Variants in MAPK8 observed in about 807,000 individuals in gnomAD.
The protein encoded by MAPK8 is JUN N-terminal kinase.
MAPK8 carries 13 observed loss-of-function variants against 52.9 expected under a neutral mutation model. The ratio of observed to expected loss-of-function variants is 0.25; its 90% CI spans 0.16 to 0.39. MAPK8 has a LOEUF of 0.39. Among genes scored for constraint, MAPK8 ranks in the 10% least tolerant of loss-of-function variants. The pLI is 1.00. For synonymous variants in MAPK8, 191 were observed against 169.8 expected, an observed-to-expected ratio of 1.12 and a Z score of -0.97; for missense variants, 300 against 519.2, an observed-to-expected ratio of 0.58 and a Z score of 4.10.
chr10:48,315,313 T>C (rs1037097310), intron 1 of MAPK8, among the ~76,000 whole-genome samples: 2 of 152,228 alleles, frequency 1.3e-5, no homozygotes, highest in African/African-American at 4.8e-5. Context: ...AGTTTGCCTT[T>C]GTATACACTT....
At position 48,427,133 on chromosome 10, in the gene MAPK8, A is replaced by C. The variant is rs1328803228; in HGVS notation, c.1050A>C (p.Glu350Asp). The change falls in exon 10 of 12, where the codon GAA becomes GAC. Residue 350 changes from glutamate (E) to aspartate (D), a missense_variant. Physicochemically the swap from Glu to Asp is conservative, Grantham distance 45. Coordinates refer to ENST00000374189, the MANE Select transcript of MAPK8 (RefSeq NM_001323329.2). ...TAGATGAAAGGGAACACACAATAGA[A>C]GAGTGGAAAGGTACATTCGTCAGAT... is the stretch of plus-strand genomic sequence containing the variant. ...KQLDEREHTI[E>D]EWKELIYKEV... 6.2e-7 allele frequency: 1 copy of C among 1,612,380 alleles called. No homozygotes were observed. The highest frequency in any genetic ancestry group is 8.5e-7 in the Non-Finnish European group (1 of 1,178,886).
At chr10:48,410,382 T>C in intron 5 of MAPK8, 1 of 384,554 alleles carries the variant, frequency 2.6e-6, no homozygotes, top group Non-Finnish European at 4.6e-6. Flanking sequence ...GATACCAGTC[T>C]GCTTTCTGTG....
At chr10:48,425,445 A>G (rs914901862) in intron 7 of MAPK8, 35 of 428,360 alleles carry the variant, frequency 8.2e-5, no homozygotes, top group Non-Finnish European at 1.3e-4. Context: ...CTGTTAGTGT[A>G]GAAAACTCAG....
At chr10:48,335,004 G>A (rs1844551221) in intron 1 of MAPK8, among the ~76,000 whole-genome samples, 1 of 151,966 alleles carries the variant, frequency 6.6e-6, no homozygotes, top group Admixed American at 6.6e-5. Context: ...CTTAAGTTTC[G>A]ATTTTCCGAT....
intron 1 of MAPK8, among the ~76,000 whole-genome samples, chr10:48,321,861 C>T (rs76536623): frequency 6.6e-6 from 1 of 151,928 alleles, no homozygotes; most frequent in African/African-American, 2.4e-5. Context: ...TGTGTCTATT[C>T]TTAGGTTCCC....
chr10:48,329,416 T>C (rs1432723486), intron 1 of MAPK8, among the ~76,000 whole-genome samples: 2 of 152,166 alleles, frequency 1.3e-5, no homozygotes, highest in East Asian at 3.9e-4. Context: ...CAGAGCGGTG[T>C]ATTGCTTTGA....
chr10:48,415,246 GTTGT>G (rs2043001162), intron 5 of MAPK8, among the ~76,000 whole-genome samples: 1 of 152,148 alleles, frequency 6.6e-6, no homozygotes, highest in Admixed American at 6.6e-5. Context: ...CTAGGTTTGG[GTTGT>G]TTGTTTCCTG....
At chr10:48,340,004 G>T (rs531263624) in intron 1 of MAPK8, among the ~76,000 whole-genome samples, 95 of 152,250 alleles carry the variant, frequency 6.2e-4, no homozygotes, top group African/African-American at 2.1e-3. Flanking sequence ...ATTTCTCAAA[G>T]AACTAAAAAT....
chr10:48,396,827 T>C lies in MAPK8; in HGVS notation c.-49-4785T>C, dbSNP rs1200357282. Among the ~76,000 whole-genome samples, 4 of 152,346 alleles carry C rather than the reference T, an allele frequency of 2.6e-5. No homozygotes were observed. The East Asian group carries it at 7.7e-4, about 29-fold the overall frequency. On this transcript the variant is annotated intron_variant, in intron 1 of 11. Coordinates refer to ENST00000374189, the MANE Select transcript of MAPK8 (RefSeq NM_001323329.2). The stretch of plus-strand genomic sequence containing the variant: ...TTTCCCTATTATAAAAATACGGCTG[T>C]CTTCTTATGAGTTTTAAGCCTATAT...
At chr10:48,375,036 C>T (rs2040566025) in intron 1 of MAPK8, among the ~76,000 whole-genome samples, 2 of 152,050 alleles carry the variant, frequency 1.3e-5, no homozygotes, top group East Asian at 3.9e-4. Flanking sequence ...AAAGCTTATC[C>T]ACCATGATCA....
chr10:48,332,975 A>G (rs1410884501), intron 1 of MAPK8, among the ~76,000 whole-genome samples: 1 of 152,138 alleles, frequency 6.6e-6, no homozygotes, highest in East Asian at 1.9e-4. Context: ...TTCCTTTCTC[A>G]CATAAGGAGT....
intron 1 of MAPK8, among the ~76,000 whole-genome samples, chr10:48,317,617 T>C (rs1343574880): frequency 1.3e-5 from 2 of 152,184 alleles, no homozygotes; most frequent in African/African-American, 4.8e-5. Flanking sequence ...AAAATGGCAT[T>C]GCTGTATGTA....
intron 1 of MAPK8, among the ~76,000 whole-genome samples, chr10:48,352,981 G>A (rs1262715532): frequency 6.6e-6 from 1 of 152,026 alleles, no homozygotes; most frequent in African/African-American, 2.4e-5. Context: ...ATAATTAAAA[G>A]TGAAATACTA....
chr10:48,310,863 G>A (rs1841916776), intron 1 of MAPK8, among the ~76,000 whole-genome samples: 1 of 152,036 alleles, frequency 6.6e-6, no homozygotes, highest in Non-Finnish European at 1.5e-5. Context: ...ACAAATACAA[G>A]AGATACCTGT....
At chr10:48,385,376 A>C (rs1286532904) in intron 1 of MAPK8, among the ~76,000 whole-genome samples, 1 of 152,208 alleles carries the variant, frequency 6.6e-6, no homozygotes, top group Non-Finnish European at 1.5e-5. Flanking sequence ...TTTTATTATC[A>C]CTTCTGCTAC....
chr10:48,348,266 C>A (rs1411482579), intron 1 of MAPK8, among the ~76,000 whole-genome samples: 3 of 152,150 alleles, frequency 2.0e-5, no homozygotes, highest in African/African-American at 7.2e-5. Context: ...TGTTTAAGTT[C>A]TTTGTAGATT....
At chr10:48,398,822 A>G (rs879327431) in intron 1 of MAPK8, among the ~76,000 whole-genome samples, 69 of 152,264 alleles carry the variant, frequency 4.5e-4, no homozygotes, top group Admixed American at 8.5e-4. Context: ...ACAATAACCA[A>G]TTCAGTGGTT....
intron 3 of MAPK8, among the ~76,000 whole-genome samples, chr10:48,409,014 T>C (rs758557796): frequency 1.7e-4 from 26 of 152,178 alleles, no homozygotes; most frequent in Admixed American, 6.5e-5. Context: ...AATCTAACCC[T>C]TATTACCTTC....
chr10:48,340,234 A>T (rs1309463435), intron 1 of MAPK8, among the ~76,000 whole-genome samples: 4 of 152,232 alleles, frequency 2.6e-5, no homozygotes, highest in Non-Finnish European at 5.9e-5. Flanking sequence ...CAGGAATGAA[A>T]TAATGTCCTT....
Sources: gnomAD v4.1 joint callset for allele counts (sites outside exome capture counted in the v4.1 genomes callset) on GRCh38, gnomAD v4.1.1 for gene constraint, MANE v1.5 for transcripts, NCBI Gene and HGNC (gene_info 2026-07-23, HGNC 2026-07-21) for gene names.